ANKRD30A: variants seen among roughly 807,000 people sequenced by gnomAD.
The protein encoded by ANKRD30A is ankyrin repeat domain 30A.
Under a neutral mutation model 166.3 loss-of-function variants are expected in ANKRD30A, and 170 were observed. That is an observed-to-expected ratio of 1.02 (90% confidence interval 0.90 to 1.16). The LOEUF (loss-of-function observed/expected upper bound fraction) is 1.16. Ranked by LOEUF, ANKRD30A falls within the 50% of genes most tolerant of loss-of-function variation. The pLI is 0.00. For synonymous variants in ANKRD30A, 564 were observed against 508.9 expected (o/e 1.11, Z -1.46); for missense variants, 1,630 against 1,518.0 (o/e 1.07, Z -1.23).
In ANKRD30A at chr10:37,217,694, G is replaced by C; in HGVS notation, c.3084-1G>C. The C allele has an allele frequency of 6.5e-7, 1 of 1,538,716 alleles. No homozygotes were observed. Among genetic ancestry groups the C allele is most frequent in the Non-Finnish European group, 8.7e-7 (1 of 1,147,972 alleles). On this transcript the variant is annotated splice_acceptor_variant, in intron 32 of 35. Transcript: ENST00000361713. LOFTEE classifies it high-confidence loss of function. ...TTTAAGATAAGTATGTTTAATGGCA[G>C]ATTGACTTTAAACCAAGAAGAAGAG...
intron 13 of ANKRD30A, among the ~76,000 whole-genome samples, chr10:37,155,538 T>C (rs1185372394): frequency 2.0e-5 from 3 of 152,226 alleles, no homozygotes; most frequent in African/African-American, 7.2e-5. Flanking sequence ...AATGTAATGA[T>C]ATAAATTATT....
chr10:37,246,930 G>A, the ANKRD30A span, among the ~76,000 whole-genome samples: 1 of 152,242 alleles, frequency 6.6e-6, no homozygotes, highest in Non-Finnish European at 1.5e-5. Context: ...GTTAATAAAT[G>A]TGCCCAGAGC....
At chr10:37,259,366 T>G in the ANKRD30A span, among the ~76,000 whole-genome samples, 1 of 152,142 alleles carries the variant, frequency 6.6e-6, no homozygotes, top group African/African-American at 2.4e-5. Context: ...ATACAGATAA[T>G]GCCAAGTGAC....
At chr10:37,252,070 C>T in the ANKRD30A span, among the ~76,000 whole-genome samples, 3 of 152,190 alleles carry the variant, frequency 2.0e-5, no homozygotes, top group Non-Finnish European at 4.4e-5. Flanking sequence ...CAAGCATAGT[C>T]GAGCAACCCT....
chr10:37,162,185 A>G (rs191266073), intron 15 of ANKRD30A, among the ~76,000 whole-genome samples: 1 of 152,318 alleles, frequency 6.6e-6, no homozygotes, highest in African/African-American at 2.4e-5. Context: ...ACCTAAGTGT[A>G]TATCCAAGCT....
chr10:37,138,980 G>T (rs537923281), intron 6 of ANKRD30A, among the ~76,000 whole-genome samples: 4 of 152,264 alleles, frequency 2.6e-5, no homozygotes, highest in Admixed American at 2.0e-4. Flanking sequence ...CAGAGAGAAA[G>T]GTCGGGTTAC....
chr10:37,145,644 T>C (rs72787525), intron 8 of ANKRD30A, among the ~76,000 whole-genome samples: 296 of 112,920 alleles, frequency 2.6e-3, no homozygotes, highest in Middle Eastern at 0.017. Flanking sequence ...TCACATGAGT[T>C]CTGAGGTGAA....
At chr10:37,205,022 A>G (rs559831202) in intron 31 of ANKRD30A, among the ~76,000 whole-genome samples, 14 of 152,324 alleles carry the variant, frequency 9.2e-5, no homozygotes, top group Non-Finnish European at 1.6e-4. Context: ...TAGTTCAACC[A>G]TTGTGGAAGA....
At position 37,162,617 on chromosome 10, in the gene ANKRD30A, A is replaced by G. The variant is rs751157245; in HGVS notation, c.1901-32A>G. On this transcript the variant is annotated intron_variant, in intron 15 of 35. Transcript: ENST00000361713. Reference sequence around the variant, plus strand: ...TGTGGTTGGCTTGTCATATTTACATATGATTGATGATAAATCTCTTTTGCT... The same window carrying G: ...TGTGGTTGGCTTGTCATATTTACATGTGATTGATGATAAATCTCTTTTGCT... The G allele has an allele frequency of 3.7e-6, 6 of 1,611,406 alleles. No individual in the cohort carries two copies. In the Admixed American group the frequency reaches 6.7e-5, roughly 18 times the overall value.
At chr10:37,189,867 G>A (rs1244348261) in intron 25 of ANKRD30A, among the ~76,000 whole-genome samples, 1 of 151,482 alleles carries the variant, frequency 6.6e-6, no homozygotes, top group South Asian at 2.1e-4. Context: ...CGTACAGAGA[G>A]TATATGAAGG....
At chr10:37,200,681 T>G (rs1171228929) in intron 30 of ANKRD30A, among the ~76,000 whole-genome samples, 5 of 152,122 alleles carry the variant, frequency 3.3e-5, no homozygotes, top group Non-Finnish European at 5.9e-5. Context: ...CACCATAAAT[T>G]TTGTCAAAAA....
At chr10:37,156,481 T>C (rs1838392753) in intron 13 of ANKRD30A, among the ~76,000 whole-genome samples, 1 of 152,208 alleles carries the variant, frequency 6.6e-6, no homozygotes. Context: ...TTTTCAACCT[T>C]ACATAGGATT....
the ANKRD30A span, among the ~76,000 whole-genome samples, chr10:37,254,399 A>G: frequency 6.6e-6 from 1 of 152,082 alleles, no homozygotes; most frequent in Non-Finnish European, 1.5e-5. Flanking sequence ...CTTTTTTATT[A>G]TAGGCACACT....
At chr10:37,238,488 G>A in the ANKRD30A span, among the ~76,000 whole-genome samples, 1 of 152,084 alleles carries the variant, frequency 6.6e-6, no homozygotes, top group African/African-American at 2.4e-5. Flanking sequence ...TTTTTTGAGA[G>A]TTAGGAGGGT....
At chr10:37,151,946 C>G (rs748579893) in intron 11 of ANKRD30A, 114 bp from the exon 12 acceptor site, 3 of 864,298 alleles carry the variant, frequency 3.5e-6, no homozygotes, top group Non-Finnish European at 3.5e-6. Flanking sequence ...AAAGAATATA[C>G]GGGCCACAGA....
chr10:37,219,988 AATATATATATAT>A (rs71007624), intron 34 of ANKRD30A, 91 bp downstream of exon 34: 42,727 of 187,834 alleles, frequency 0.23, 8,314 homozygotes, highest in Admixed American at 0.32. Flanking sequence ...AATCTAGTTG[AATATATATATAT>A]ATATATATAT....
chr10:37,260,206 G>A, the ANKRD30A span, among the ~76,000 whole-genome samples: 1 of 151,910 alleles, frequency 6.6e-6, no homozygotes. Context: ...CAATCTTAAG[G>A]CCAGTTACTA....
chr10:37,195,239 C>G (rs1295890663), intron 27 of ANKRD30A, among the ~76,000 whole-genome samples: 1 of 152,112 alleles, frequency 6.6e-6, no homozygotes, highest in Non-Finnish European at 1.5e-5. Flanking sequence ...ACGTCTGAGT[C>G]TTTTTTCTCT....
At chr10:37,146,922 C>A (rs1364651597) in intron 8 of ANKRD30A, among the ~76,000 whole-genome samples, 1 of 152,166 alleles carries the variant, frequency 6.6e-6, no homozygotes, top group Non-Finnish European at 1.5e-5. Context: ...AACTTCTCGG[C>A]CTTCCAAGAA....
Sources: gnomAD v4.1 joint callset for allele counts (sites outside exome capture counted in the v4.1 genomes callset) on GRCh38, gnomAD v4.1.1 for gene constraint, MANE v1.5 for transcripts, NCBI Gene and HGNC (gene_info 2026-07-23, HGNC 2026-07-21) for gene names.